Variants in CCDC178 observed in about 807,000 individuals in gnomAD.
The protein encoded by CCDC178 is coiled-coil domain containing 178.
Under a neutral mutation model 117.4 loss-of-function variants are expected in CCDC178, and 126 were observed. The observed-to-expected ratio is 1.07, with a 90% confidence interval of 0.93 to 1.24. The LOEUF (loss-of-function observed/expected upper bound fraction) is 1.24. Ranked by LOEUF, CCDC178 falls within the 50% of genes most tolerant of loss-of-function variation. The probability of loss-of-function intolerance (pLI) is 0.00; values close to 1 mark genes in which losing one functional copy is unlikely to be tolerated. For synonymous variants in CCDC178, 283 were observed against 313.4 expected (o/e 0.90, Z 1.02); for missense variants, 1,030 against 986.9 (o/e 1.04, Z -0.59).
intron 20 of CCDC178, among the ~76,000 whole-genome samples, chr18:33,200,985 T>C (rs1483503402): frequency 6.6e-6 from 1 of 152,188 alleles, no homozygotes; most frequent in African/African-American, 2.4e-5. Context: ...TAAACTGAAA[T>C]ATAAATTTTA....
At chr18:33,284,934 GAC>G (rs141502931) in intron 12 of CCDC178, among the ~76,000 whole-genome samples, 31 of 149,064 alleles carry the variant, frequency 2.1e-4, no homozygotes, top group South Asian at 6.3e-4. Context: ...CACACACACA[GAC>G]ACACACACAC....
chr18:33,189,086 G>A (rs757241836), intron 20 of CCDC178, among the ~76,000 whole-genome samples: 21 of 152,146 alleles, frequency 1.4e-4, no homozygotes, highest in Non-Finnish European at 2.2e-4. Flanking sequence ...CTTAATGCAA[G>A]TAAGGGAGAC....
rs2062687416 is a variant in CCDC178, at chr18:33,332,848, AAGC to A, written c.879+323_879+325del. Among the ~76,000 whole-genome samples, 4 of 152,286 alleles carry A rather than the reference AAGC, an allele frequency of 2.6e-5. No individual in the cohort carries two copies. In the South Asian group the frequency reaches 8.3e-4, roughly 32 times the overall value. On this transcript the variant is annotated intron_variant, in intron 10 of 22. Transcript: ENST00000383096. ...TGGCTCATCTCTAGCTCCTGGGCTTAAGCGATGCACCCACCTCAGCTTACCACC... is the reference window on the plus strand; with the variant it reads ...TGGCTCATCTCTAGCTCCTGGGCTTAGATGCACCCACCTCAGCTTACCACC...
At chr18:33,169,744 A>T (rs939253017) in intron 20 of CCDC178, among the ~76,000 whole-genome samples, 4 of 152,176 alleles carry the variant, frequency 2.6e-5, no homozygotes, top group African/African-American at 9.7e-5. Flanking sequence ...AGTGAAAAAA[A>T]TGCTCTGTGC....
intron 10 of CCDC178, among the ~76,000 whole-genome samples, chr18:33,327,659 A>G (rs796488011): frequency 1.2e-4 from 18 of 152,164 alleles, no homozygotes; most frequent in African/African-American, 4.3e-4. Flanking sequence ...TATGACTGGT[A>G]TCTTATTGTG....
At chr18:32,966,252 A>G (rs2054811059) in intron 22 of CCDC178, among the ~76,000 whole-genome samples, 1 of 151,704 alleles carries the variant, frequency 6.6e-6, no homozygotes, top group African/African-American at 2.4e-5. Context: ...CTAAAGTCTA[A>G]GTATTTGTGG....
rs186577829 is a variant in CCDC178 at position 32,992,128 on chromosome 18, G to A, written c.2389-17447C>T. On this transcript the variant is annotated intron_variant, in intron 21 of 22. Coordinates refer to ENST00000383096, the MANE Select transcript of CCDC178 (RefSeq NM_001105528.4). ...TATTTTCTGTCATGTTAGTATAAGC[G>A]CTGTAACAACTTGTCAAATCAAATG... is the stretch of plus-strand genomic sequence containing the variant. Among the ~76,000 whole-genome samples the A allele has an allele frequency of 1.4e-4, 21 of 152,200 alleles. No homozygotes were observed. The East Asian group carries it at 2.3e-3, about 17-fold the overall frequency.
At chr18:33,292,078 G>A (rs1245277678) in intron 12 of CCDC178, among the ~76,000 whole-genome samples, 1 of 150,864 alleles carries the variant, frequency 6.6e-6, no homozygotes, top group East Asian at 1.9e-4. Flanking sequence ...TCCCACTGCT[G>A]GTTATATATC....
At chr18:32,964,656 G>T (rs1367344084) in intron 22 of CCDC178, among the ~76,000 whole-genome samples, 1 of 151,886 alleles carries the variant, frequency 6.6e-6, no homozygotes, top group Non-Finnish European at 1.5e-5. Flanking sequence ...CCTTGGATAG[G>T]TGCTGTTTAT....
intron 11 of CCDC178, among the ~76,000 whole-genome samples, chr18:33,306,112 G>T (rs1279972437): frequency 6.6e-6 from 1 of 152,086 alleles, no homozygotes; most frequent in Non-Finnish European, 1.5e-5. Flanking sequence ...TTATTAAGTT[G>T]CTCGTCCTAA....
chr18:32,949,963 C>G (rs957695682), intron 22 of CCDC178, among the ~76,000 whole-genome samples: 1 of 152,052 alleles, frequency 6.6e-6, no homozygotes, highest in African/African-American at 2.4e-5. Context: ...CTAATTAATC[C>G]CTACCACTGA....
rs141443480 is a variant in CCDC178, at chr18:33,308,030, G to C, written c.1023-14718C>G. Among the ~76,000 whole-genome samples, 1,069 of 152,312 alleles carry C rather than the reference G, an allele frequency of 7.0e-3. 12 individuals carry two copies. Among genetic ancestry groups the C allele is most frequent in the Non-Finnish European group, 5.4e-3 (366 of 68,018 alleles). On this transcript the variant is annotated intron_variant, in intron 11 of 22. Transcript: ENST00000383096. ...GAATGTGGGGTCAGAGCTCCCACAG[G>C]GTTGCCACTGGGGCACTGCCTGATG...
chr18:33,059,145 A>G (rs528168222), intron 21 of CCDC178, among the ~76,000 whole-genome samples: 1 of 152,250 alleles, frequency 6.6e-6, no homozygotes, highest in Non-Finnish European at 1.5e-5. Context: ...TTTCAGTCTG[A>G]CTGTGGCATG....
At chr18:33,249,187 A>C (rs375288994) in intron 14 of CCDC178, among the ~76,000 whole-genome samples, 1 of 151,944 alleles carries the variant, frequency 6.6e-6, no homozygotes, top group African/African-American at 2.4e-5. Flanking sequence ...AGATGAGTAG[A>C]TTGCAAAAAT....
intron 12 of CCDC178, among the ~76,000 whole-genome samples, chr18:33,280,747 T>G (rs1382496444): frequency 6.6e-6 from 1 of 152,146 alleles, no homozygotes; most frequent in Non-Finnish European, 1.5e-5. Flanking sequence ...ATGTGGCACA[T>G]ATACATGATG....
chr18:33,063,135 CA>C (rs571002757), intron 21 of CCDC178, among the ~76,000 whole-genome samples: 14 of 152,178 alleles, frequency 9.2e-5, no homozygotes, highest in Non-Finnish European at 1.5e-4. Context: ...GGCCTGAGGA[CA>C]GGCCTGCTCC....
intron 20 of CCDC178, among the ~76,000 whole-genome samples, chr18:33,171,626 T>C (rs1312728836): frequency 1.3e-5 from 2 of 152,300 alleles, no homozygotes; most frequent in Non-Finnish European, 2.9e-5. Flanking sequence ...CAATTGCCTG[T>C]GCTGTAAATT....
chr18:32,983,643 G>C (rs759569944), intron 21 of CCDC178, among the ~76,000 whole-genome samples: 2 of 152,074 alleles, frequency 1.3e-5, no homozygotes, highest in Non-Finnish European at 2.9e-5. Flanking sequence ...AAGGTAGATA[G>C]ATAATAGCAC....
intron 21 of CCDC178, among the ~76,000 whole-genome samples, chr18:32,975,854 G>A (rs115021654): frequency 3.1e-4 from 47 of 152,082 alleles, no homozygotes; most frequent in African/African-American, 1.1e-3. Context: ...ACATATGCAG[G>A]ATCCTCTGTA....
Sources: gnomAD v4.1 joint callset for allele counts (sites outside exome capture counted in the v4.1 genomes callset) on GRCh38, gnomAD v4.1.1 for gene constraint, MANE v1.5 for transcripts, NCBI Gene and HGNC (gene_info 2026-07-23, HGNC 2026-07-21) for gene names.